The following CLCN7 variants were observed in gnomAD, a reference collection of about 807,000 sequenced individuals.
The protein encoded by CLCN7 is Cl-/H+ antiporter 7.
A neutral mutation model predicts 102.1 loss-of-function variants in CLCN7; 60 were observed. The ratio of observed to expected loss-of-function variants is 0.59; its 90% CI spans 0.48 to 0.73. CLCN7 has a LOEUF of 0.73. CLCN7 is among the 30% of genes least tolerant of loss of function. The probability of loss-of-function intolerance (pLI) is 0.00; values close to 1 mark genes in which losing one functional copy is unlikely to be tolerated. For synonymous variants in CLCN7, 560 were observed against 490.5 expected, an observed-to-expected ratio of 1.14 and a Z score of -1.87; for missense variants, 962 against 1,125.7, an observed-to-expected ratio of 0.85 and a Z score of 2.08.
chr16:1,473,772 C>A (rs1175977836), intron 1 of CLCN7, among the ~76,000 whole-genome samples: 1 of 152,026 alleles, frequency 6.6e-6, no homozygotes, highest in East Asian at 1.9e-4. Context: ...ATCAACAAAA[C>A]GGTCCATTAA....
chr16:1,474,499 T>C, intron 1 of CLCN7: 1 of 339,534 alleles, frequency 2.9e-6, no homozygotes, highest in South Asian at 2.6e-5. Flanking sequence ...TGCACCCCTT[T>C]AGGGCCAGTC....
Position 1,452,735 on chromosome 16 carries a change from G to T in CLCN7, c.1353+20C>A, listed in dbSNP as rs760335394. ...GTGGCTGCCCTGCCTGCTGGACCCCGCCCGGGCCCAGCCTCCCACCTGCAG... is the reference window on the plus strand; with the variant it reads ...GTGGCTGCCCTGCCTGCTGGACCCCTCCCGGGCCCAGCCTCCCACCTGCAG... On this transcript the variant is annotated intron_variant, in intron 15 of 24. Coordinates refer to ENST00000382745, the MANE Select transcript of CLCN7 (RefSeq NM_001287.6). The T allele has an allele frequency of 1.9e-6, 3 of 1,574,356 alleles. No individual in the cohort carries two copies. The South Asian group carries it at 3.5e-5, about 18-fold the overall frequency.
At chr16:1,453,179 T>G (rs990256710) in intron 14 of CLCN7, among the ~76,000 whole-genome samples, 1 of 152,042 alleles carries the variant, frequency 6.6e-6, no homozygotes, top group South Asian at 2.1e-4. Context: ...GGCTAATTTT[T>G]TTTTGAATTT....
chr16:1,458,583 C>T (rs2038876267), intron 7 of CLCN7, among the ~76,000 whole-genome samples: 1 of 152,240 alleles, frequency 6.6e-6, no homozygotes, highest in African/African-American at 2.4e-5. Context: ...GGGGCAGCGG[C>T]CATGCTGCCC....
rs891618643 is a variant in CLCN7, at chr16:1,460,369, C to A, written c.594+49G>T. 10 of 1,384,900 alleles carry A rather than the reference C, an allele frequency of 7.2e-6. No individual in the cohort carries two copies. The African/African-American group carries it at 1.1e-4, about 16-fold the overall frequency. 85.8% of individuals were successfully genotyped at this position (1,384,900 alleles called of 1,614,324 possible). On this transcript the variant is annotated intron_variant, in intron 6 of 24. Transcript: ENST00000382745. ...GGGGTTCCCGCCCATTCACCAAGAC[C>A]CCCAATCCTTCATGGGGTCCGCCAT...
At chr16:1,462,974 A>G (rs986741805) in intron 2 of CLCN7, among the ~76,000 whole-genome samples, 11 of 152,140 alleles carry the variant, frequency 7.2e-5, no homozygotes, top group African/African-American at 2.7e-4. Flanking sequence ...CAGCCTGGGC[A>G]ACATAGTAAG....
At chr16:1,454,525 G>T in intron 12 of CLCN7, 60 bp from the exon 13 acceptor site, 1 of 1,498,838 alleles carries the variant, frequency 6.7e-7, no homozygotes, top group Non-Finnish European at 9.3e-7. Context: ...GCTCCTTTCT[G>T]CTGAAACTCA....
chr16:1,469,957 GAA>G (rs2039054401), intron 1 of CLCN7, among the ~76,000 whole-genome samples: 1 of 152,244 alleles, frequency 6.6e-6, no homozygotes, highest in African/African-American at 2.4e-5. Context: ...AAGCCAGTCA[GAA>G]AAAGACAGCT....
chr16:1,459,197 G>T lies in CLCN7; in HGVS notation c.595-10C>A. The T allele has an allele frequency of 6.2e-7, 1 of 1,612,448 alleles. No individual in the cohort carries two copies. Among genetic ancestry groups the T allele is most frequent in the Non-Finnish European group, 8.5e-7 (1 of 1,179,422 alleles). On this transcript the variant is annotated splice_polypyrimidine_tract_variant and intron_variant, in intron 6 of 24. Coordinates refer to ENST00000382745, the MANE Select transcript of CLCN7 (RefSeq NM_001287.6). ...TGCCAGCAGCCACCGGCTGAAAGAG[G>T]GGAAGCACGGCTGAGTGGGTCACGG...
At chr16:1,461,009 GCAGGACCGCC>G in intron 4 of CLCN7, 61 bp from the exon 5 acceptor site, 1 of 1,595,544 alleles carries the variant, frequency 6.3e-7, no homozygotes, top group East Asian at 2.3e-5. Context: ...TCTGGCAGCA[GCAGGACCGCC>G]CAGACCGCCT....
Position 1,474,921 on chromosome 16 carries a change from C to T in CLCN7, c.54G>A (p.Glu18=), listed in dbSNP as rs1180165020. 4.1e-6 allele frequency: 6 copies of T among 1,475,014 alleles called. No individual in the cohort carries two copies. Among genetic ancestry groups the T allele is most frequent in the African/African-American group, 1.5e-5 (1 of 68,216 alleles). 91.4% of individuals were successfully genotyped at this position (1,475,014 alleles called of 1,614,324 possible). Residue 18 remains glutamate (E), a synonymous_variant, in exon 1 of 25, where the codon GAG becomes GAA. Transcript: ENST00000382745. ...VSWSGRDRDD[E]EAAPLLRRTA... is the part of the protein sequence containing the mutation. ...TCCTCCGCAGCAGCGGCGCCGCCTCCTCGTCGTCCCGGTCCCGGCCGGACC... is the reference window on the plus strand; with the variant it reads ...TCCTCCGCAGCAGCGGCGCCGCCTCTTCGTCGTCCCGGTCCCGGCCGGACC...
In CLCN7 at chr16:1,455,161, G is replaced by A. The variant is rs757035839; in HGVS notation, c.1071C>T (p.Leu357=). 2 of 1,613,022 alleles carry A rather than the reference G, an allele frequency of 1.2e-6. No homozygotes were observed. Among genetic ancestry groups the A allele is most frequent in the Non-Finnish European group, 1.7e-6 (2 of 1,179,020 alleles). The change falls in exon 12 of 25, where the codon CTC becomes CTT. Residue 357 remains leucine, a synonymous_variant. Coordinates refer to ENST00000382745, the MANE Select transcript of CLCN7 (RefSeq NM_001287.6). The part of the protein sequence containing the change: ...GNMWDLSSPG[L]INFGRFDSEK... ...CCGAGTCAAACCTTCCGAAGTTGAT[G>A]AGGCCTGGGCTGGACAGGTCCCACA...
rs371671372 is a variant in CLCN7, at chr16:1,457,642, C to A, written c.738+52G>T. 2.1e-5 allele frequency: 33 copies of A among 1,583,718 alleles called. No homozygotes were observed. Among genetic ancestry groups the A allele is most frequent in the Middle Eastern group, 3.3e-4 (2 of 6,008 alleles). On this transcript the variant is annotated intron_variant, in intron 8 of 24. Coordinates refer to ENST00000382745, the MANE Select transcript of CLCN7 (RefSeq NM_001287.6). The surrounding 1 kb of genome is among the most constrained non-coding windows in gnomAD (Gnocchi z 5.4). ...ACACACATGGGCGTGGCGGCCCTCG[C>A]GGGCCCGGCGGCCTCAGGCTCCAGC...
At chr16:1,470,742 C>A (rs2039067169) in intron 1 of CLCN7, among the ~76,000 whole-genome samples, 2 of 152,210 alleles carry the variant, frequency 1.3e-5, no homozygotes, top group South Asian at 4.1e-4. Context: ...TGGCGACGAC[C>A]CCAGACCCTC....
At chr16:1,468,222 T>C (rs2039031026) in intron 1 of CLCN7, among the ~76,000 whole-genome samples, 1 of 152,176 alleles carries the variant, frequency 6.6e-6, no homozygotes. Context: ...GAGCCGCACA[T>C]GCATTCAGGC....
chr16:1,446,831 G>A, intron 24 of CLCN7, 114 bp from the exon 25 acceptor site: 2 of 1,147,568 alleles, frequency 1.7e-6, no homozygotes, highest in South Asian at 1.3e-5. Context: ...GGGGGCTTCA[G>A]CACAGCCCCC....
At position 1,460,939 on chromosome 16, in the gene CLCN7, T is replaced by C; in HGVS notation, c.361A>G (p.Thr121Ala). The C allele has an allele frequency of 6.2e-7, 1 of 1,613,460 alleles. No homozygotes were observed. Among genetic ancestry groups the C allele is most frequent in the Non-Finnish European group, 8.5e-7 (1 of 1,179,916 alleles). ...ERRINHTAFRTVEIKRWVICA... is the reference protein window; with the variant it reads ...ERRINHTAFRAVEIKRWVICA... ...ATGACCCAGCGCTTGATCTCCACCG[T>C]CCGGAAGGCCTGCAGGGCGCGGTCA... Residue 121 changes from threonine to alanine, a missense_variant, in exon 5 of 25, where the codon ACG becomes GCG. Thr to Ala is a moderately conservative substitution (Grantham distance 58). This residue lies in a region of CLCN7 where 799 missense variants were observed against 988.0 expected (regional missense o/e 0.81). Transcript: ENST00000382745.
At chr16:1,458,668 A>G (rs2281194) in intron 7 of CLCN7, among the ~76,000 whole-genome samples, 86,750 of 152,104 alleles carry the variant, frequency 0.57, 24,977 homozygotes, top group Non-Finnish European at 0.58. Flanking sequence ...AGAAGCAACC[A>G]CAGCGGAACT....
At chr16:1,466,567 G>A (rs1596228459) in intron 1 of CLCN7, 1 of 152,398 alleles carries the variant, frequency 6.6e-6, no homozygotes, top group Non-Finnish European at 1.5e-5. Context: ...AGGTCACTGC[G>A]AGCCAGGGGT....
Sources: allele counts gnomAD v4.1 joint callset (sites outside exome capture counted in the v4.1 genomes callset), GRCh38; gene constraint gnomAD v4.1.1; regional missense constraint gnomAD v4.1.1; non-coding constraint Gnocchi (gnomAD v3.1); transcripts MANE v1.5; gene names NCBI Gene and HGNC (gene_info 2026-07-23, HGNC 2026-07-21).